Variants in BRIP1 observed in about 807,000 individuals in gnomAD.
The protein encoded by BRIP1 is BRCA1 interacting DNA helicase 1.
BRIP1 carries 88 observed loss-of-function variants against 119.7 expected under a neutral mutation model. The observed-to-expected ratio is 0.74, with a 90% confidence interval of 0.62 to 0.88. BRIP1 has a LOEUF of 0.88. Among genes scored for constraint, BRIP1 ranks in the 40% least tolerant of loss-of-function variants. The probability of loss-of-function intolerance (pLI) is 0.00; values close to 1 mark genes in which losing one functional copy is unlikely to be tolerated. For synonymous variants in BRIP1, 443 were observed against 496.5 expected (o/e 0.89, Z 1.43); for missense variants, 1,259 against 1,455.4 (o/e 0.87, Z 2.20).
chr17:61,793,671 T>C lies in BRIP1; in HGVS notation c.1399A>G (p.Ile467Val). Reference sequence around the variant, plus strand: ...AAGAGCATTTCATTTCCACTCCATATTTTACAAGCTGATTCATAATCTCTT... The same window carrying C: ...AAGAGCATTTCATTTCCACTCCATACTTTACAAGCTGATTCATAATCTCTT... ...VERDYESACK[I>V]WSGNEMLLTL... The change falls in exon 10 of 20, where the codon ATA becomes GTA. Residue 467 changes from isoleucine to valine, a missense_variant. By Grantham distance (29) the Ile-to-Val change is conservative. Around this residue, in one of 3 missense-constraint regions of BRIP1, gnomAD observed 5 missense variants for 19.6 expected, o/e 0.26. Transcript: ENST00000259008. The surrounding 1 kb of genome is among the most constrained non-coding windows in gnomAD (Gnocchi z 5.2). The C allele has an allele frequency of 6.2e-7, 1 of 1,610,246 alleles. No homozygotes were observed. The highest frequency in any genetic ancestry group is 2.2e-5 in the East Asian group (1 of 44,700).
At position 61,852,883 on chromosome 17, in the gene BRIP1, G is replaced by A. The variant is rs551819646; in HGVS notation, c.380-3627C>T. 1.7e-4 allele frequency among the ~76,000 whole-genome samples: 26 copies of A among 152,142 alleles called. No individual in the cohort carries two copies. The highest frequency in any genetic ancestry group is 5.9e-4 in the Admixed American group (9 of 15,278). ...GAACAACTTTCATATACTGCTGCAG[G>A]GGTTGGAGGGATCTGACCGGGGACG... On this transcript the variant is annotated intron_variant, in intron 4 of 19. Coordinates refer to ENST00000259008, the MANE Select transcript of BRIP1 (RefSeq NM_032043.3). The surrounding 1 kb of genome is among the most constrained non-coding windows in gnomAD (Gnocchi z 4.9).
intron 13 of BRIP1, among the ~76,000 whole-genome samples, chr17:61,779,379 C>A (rs925490514): frequency 1.1e-4 from 16 of 152,132 alleles, no homozygotes; most frequent in Non-Finnish European, 2.1e-4. Context: ...GAGTTTGAAG[C>A]CAGCCTGGGC....
chr17:61,762,245 A>T lies in BRIP1; in HGVS notation c.2097+14156T>A, dbSNP rs576977482. Among the ~76,000 whole-genome samples, 1 of 152,096 alleles carries T rather than the reference A, an allele frequency of 6.6e-6. No individual in the cohort carries two copies. Among genetic ancestry groups the T allele is most frequent in the African/African-American group, 2.4e-5 (1 of 41,436 alleles). On this transcript the variant is annotated intron_variant, in intron 14 of 19. Transcript: ENST00000259008. This position sits in a 1 kb window ranked among gnomAD's most constrained non-coding sequence, Gnocchi z 4.3. The stretch of plus-strand genomic sequence containing the variant: ...CTTATCTCACAATATTTAAAAAAAA[A>T]CTCAAAATGAATTAAAGATTTAAAC...
chr17:61,852,026 TC>T lies in BRIP1; in HGVS notation c.380-2771del. On this transcript the variant is annotated intron_variant, in intron 4 of 19. Coordinates refer to ENST00000259008, the MANE Select transcript of BRIP1 (RefSeq NM_032043.3). This position sits in a 1 kb window ranked among gnomAD's most constrained non-coding sequence, Gnocchi z 4.9. ...GGAGAGCTCCTACAACAAAGAGTTATCCCACTCAAAATGTTAATAGTGCCAC... is the reference window on the plus strand; with the variant it reads ...GGAGAGCTCCTACAACAAAGAGTTATCCACTCAAAATGTTAATAGTGCCAC... 6.6e-6 allele frequency among the ~76,000 whole-genome samples: 1 copy of T among 152,152 alleles called. No homozygotes were observed. The highest frequency in any genetic ancestry group is 1.9e-4 in the East Asian group (1 of 5,190).
Position 61,793,539 on chromosome 17 carries a change from A to G in BRIP1, c.1473+58T>C, listed in dbSNP as rs1603340243. ...CACTAGATTTAATCTGGATTTAGTCACGACTAAATCACTTCTAATTCACTA... is the reference window on the plus strand; with the variant it reads ...CACTAGATTTAATCTGGATTTAGTCGCGACTAAATCACTTCTAATTCACTA... On this transcript the variant is annotated intron_variant, in intron 10 of 19. Transcript: ENST00000259008. The surrounding 1 kb of genome is among the most constrained non-coding windows in gnomAD (Gnocchi z 5.2). The G allele has an allele frequency of 5.4e-6, 8 of 1,489,658 alleles. No individual in the cohort carries two copies. The highest frequency in any genetic ancestry group is 1.4e-5 in the African/African-American group (1 of 72,450). 92.3% of individuals were successfully genotyped at this position (1,489,658 alleles called of 1,614,324 possible).
intron 17 of BRIP1, among the ~76,000 whole-genome samples, chr17:61,696,688 A>C (rs922491097): frequency 2.1e-5 from 3 of 145,620 alleles, no homozygotes; most frequent in African/African-American, 5.1e-5. Flanking sequence ...TTGTCTCACA[A>C]AAAAAAAAAA....
At chr17:61,791,235 G>A (rs890404680) in intron 10 of BRIP1, among the ~76,000 whole-genome samples, 1 of 151,892 alleles carries the variant, frequency 6.6e-6, no homozygotes, top group African/African-American at 2.4e-5. Flanking sequence ...ACACCTGTGA[G>A]CCCAGCACTT....
intron 6 of BRIP1, among the ~76,000 whole-genome samples, chr17:61,820,062 G>A (rs537048124): frequency 1.2e-4 from 18 of 150,728 alleles, no homozygotes; most frequent in Middle Eastern, 3.5e-3. Context: ...AAACCACCCT[G>A]TTTAAATCAG....
rs182677458 is a variant in BRIP1 at position 61,743,814 on chromosome 17, A to G, written c.2257+618T>C. 2.8e-4 allele frequency among the ~76,000 whole-genome samples: 42 copies of G among 152,112 alleles called. No homozygotes were observed. Among genetic ancestry groups the G allele is most frequent in the Admixed American group, 2.7e-3 (42 of 15,290 alleles). ...GTAATCCTCCCACCTCGGCCTCCTAAGTAGTTGGAACTATAGGCACATGCA... is the reference window on the plus strand; with the variant it reads ...GTAATCCTCCCACCTCGGCCTCCTAGGTAGTTGGAACTATAGGCACATGCA... On this transcript the variant is annotated intron_variant, in intron 15 of 19. Transcript: ENST00000259008. This position sits in a 1 kb window ranked among gnomAD's most constrained non-coding sequence, Gnocchi z 4.3.
rs1299775030 is a variant in BRIP1 at position 61,789,252 on chromosome 17, G to A, written c.1473+4345C>T. Among the ~76,000 whole-genome samples, 1 of 151,198 alleles carries A rather than the reference G, an allele frequency of 6.6e-6. No individual in the cohort carries two copies. Among genetic ancestry groups the A allele is most frequent in the Non-Finnish European group, 1.5e-5 (1 of 67,926 alleles). ...ATTGCACTTCATTCCGGGCAACACA[G>A]CAAGACTCTGTCTCTTAAAAACAAA... On this transcript the variant is annotated intron_variant, in intron 10 of 19. Coordinates refer to ENST00000259008, the MANE Select transcript of BRIP1 (RefSeq NM_032043.3). The surrounding 1 kb of genome is among the most constrained non-coding windows in gnomAD (Gnocchi z 4.8).
At chr17:61,763,329 G>A (rs1395911177) in intron 14 of BRIP1, among the ~76,000 whole-genome samples, 1 of 152,012 alleles carries the variant, frequency 6.6e-6, no homozygotes, top group African/African-American at 2.4e-5. Context: ...TGCATGTGTC[G>A]GGTAAAGGGG....
chr17:61,741,365 T>C (rs757236553), intron 16 of BRIP1, among the ~76,000 whole-genome samples: 7 of 152,224 alleles, frequency 4.6e-5, no homozygotes, highest in Non-Finnish European at 1.0e-4. Flanking sequence ...CCTGTAAGTG[T>C]TGATATTCTG....
chr17:61,779,575 G>A (rs532006982), intron 13 of BRIP1, among the ~76,000 whole-genome samples: 23 of 152,038 alleles, frequency 1.5e-4, no homozygotes, highest in South Asian at 1.2e-3. Context: ...AGCCAAGATC[G>A]CACCACTGCA....
chr17:61,847,307 AT>A, intron 5 of BRIP1, 87 bp from the exon 6 acceptor site: 3 of 1,437,594 alleles, frequency 2.1e-6, no homozygotes, highest in Non-Finnish European at 9.7e-7. Flanking sequence ...AGCTCTATGT[AT>A]TTTTTTCCTG....
rs1333283138 is a variant in BRIP1, at chr17:61,752,594, A to G, written c.2098-8003T>C. Among the ~76,000 whole-genome samples, 1 of 152,238 alleles carries G rather than the reference A, an allele frequency of 6.6e-6. No homozygotes were observed. Among genetic ancestry groups the G allele is most frequent in the Non-Finnish European group, 1.5e-5 (1 of 68,036 alleles). On this transcript the variant is annotated intron_variant, in intron 14 of 19. Transcript: ENST00000259008. This position sits in a 1 kb window ranked among gnomAD's most constrained non-coding sequence, Gnocchi z 6.2. Reference sequence around the variant, plus strand: ...CTATTTATTGCCCTGTAGTACATCAACCAGTTTTCTTATAGTCTATTCCTT... The same window carrying G: ...CTATTTATTGCCCTGTAGTACATCAGCCAGTTTTCTTATAGTCTATTCCTT...
At position 61,822,663 on chromosome 17, in the gene BRIP1, G is replaced by C. The variant is rs7217730; in HGVS notation, c.628-13906C>G. Among the ~76,000 whole-genome samples, 54,873 of 151,818 alleles carry C rather than the reference G, an allele frequency of 0.36. 10,383 individuals carry two copies. Among genetic ancestry groups the C allele is most frequent in the Non-Finnish European group, 0.43 (29,346 of 67,938 alleles). ...GAAGGACAGGAGAAAACATAACATG[G>C]TTATAGCTAAGGAAAAGAATCAATA... is the stretch of plus-strand genomic sequence containing the variant. On this transcript the variant is annotated intron_variant, in intron 6 of 19. Transcript: ENST00000259008. This position sits in a 1 kb window ranked among gnomAD's most constrained non-coding sequence, Gnocchi z 4.4.
chr17:61,725,853 C>T lies in BRIP1; in HGVS notation c.2380-9790G>A, dbSNP rs533993748. Among the ~76,000 whole-genome samples the T allele has an allele frequency of 3.3e-4, 51 of 152,262 alleles. No individual in the cohort carries two copies. The highest frequency in any genetic ancestry group is 1.2e-3 in the African/African-American group (48 of 41,562). On this transcript the variant is annotated intron_variant, in intron 16 of 19. Coordinates refer to ENST00000259008, the MANE Select transcript of BRIP1 (RefSeq NM_032043.3). The surrounding 1 kb of genome is among the most constrained non-coding windows in gnomAD (Gnocchi z 5.3). Reference sequence around the variant, plus strand: ...CATTGCCCAGGCTGGTCTTGAACTCCTGGCCTCAAACAATCCTCCTGTCTT... The same window carrying T: ...CATTGCCCAGGCTGGTCTTGAACTCTTGGCCTCAAACAATCCTCCTGTCTT...
Position 61,706,161 on chromosome 17 carries a change from GTTCTCT to G in BRIP1, c.2492+9784_2492+9789del, listed in dbSNP as rs1352726880. Reference sequence around the variant, plus strand: ...ATTCACCCTTTTATCATTATGTAATGTTCTCTTTTATCCCTAATTTTGTTTGCTTGG... The same window carrying G: ...ATTCACCCTTTTATCATTATGTAATGTTTATCCCTAATTTTGTTTGCTTGG... On this transcript the variant is annotated intron_variant, in intron 17 of 19. Coordinates refer to ENST00000259008, the MANE Select transcript of BRIP1 (RefSeq NM_032043.3). The surrounding 1 kb of genome is among the most constrained non-coding windows in gnomAD (Gnocchi z 5.7). 6.6e-6 allele frequency among the ~76,000 whole-genome samples: 1 copy of G among 151,992 alleles called. No individual in the cohort carries two copies. Among genetic ancestry groups the G allele is most frequent in the Non-Finnish European group, 1.5e-5 (1 of 67,962 alleles).
intron 16 of BRIP1, among the ~76,000 whole-genome samples, chr17:61,727,214 G>T (rs2076777248): frequency 6.6e-6 from 1 of 152,086 alleles, no homozygotes; most frequent in Non-Finnish European, 1.5e-5. Context: ...GGCACTCAGG[G>T]AATTATATAA....
Sources: gnomAD v4.1 joint callset for allele counts (sites outside exome capture counted in the v4.1 genomes callset) on GRCh38, gnomAD v4.1.1 for gene constraint, gnomAD v4.1.1 regional missense constraint, Gnocchi (gnomAD v3.1) non-coding constraint, MANE v1.5 for transcripts, NCBI Gene and HGNC (gene_info 2026-07-23, HGNC 2026-07-21) for gene names.